The following COL25A1 variants were observed in gnomAD, a reference collection of about 807,000 sequenced individuals.
The protein encoded by COL25A1 is collagen type XXV alpha 1 chain.
A neutral mutation model predicts 128.4 loss-of-function variants in COL25A1; 103 were observed. The ratio of observed to expected loss-of-function variants is 0.80; its 90% CI spans 0.68 to 0.94. The LOEUF (loss-of-function observed/expected upper bound fraction) is 0.94, where lower values mean the gene tolerates loss of function less well. Ranked by LOEUF, COL25A1 falls within the 40% of genes least tolerant of loss-of-function variation. The pLI is 0.00. For synonymous variants in COL25A1, 279 were observed against 277.2 expected (o/e 1.01, Z -0.06); for missense variants, 745 against 840.0 (o/e 0.89, Z 1.40).
At chr4:109,056,828 T>C (rs1222004545) in intron 3 of COL25A1, among the ~76,000 whole-genome samples, 2 of 152,200 alleles carry the variant, frequency 1.3e-5, no homozygotes, top group African/African-American at 2.4e-5. Flanking sequence ...ATACTTCTCA[T>C]TAGGATAGTT....
rs11098031 is a variant in COL25A1, at chr4:109,197,503, T to A, written c.367+103080A>T. Among the ~76,000 whole-genome samples the A allele has an allele frequency of 9.4e-5, 12 of 127,350 alleles. No homozygotes were observed. The South Asian group carries it at 1.2e-3, about 13-fold the overall frequency. The allele number at this position is 127,350 out of a possible 152,430, so 83.5% of individuals were successfully genotyped here. ...ATTATATATTATATATAAATATATA[T>A]TATATAATATTTATATATAATATTA... On this transcript the variant is annotated intron_variant, in intron 3 of 37. Coordinates refer to ENST00000399132, the MANE Select transcript of COL25A1 (RefSeq NM_198721.4).
rs578223512 is a variant in COL25A1, at chr4:109,215,568, AT to A, written c.367+85014del. Among the ~76,000 whole-genome samples, 470 of 152,298 alleles carry A rather than the reference AT, an allele frequency of 3.1e-3. 1 individual carries two copies. Among genetic ancestry groups the A allele is most frequent in the African/African-American group, 0.011 (448 of 41,580 alleles). ...TGTCTTTAAAACAACTAATTAGACT[AT>A]ATTCTGTTATTTTGCCTTGAGATCA... On this transcript the variant is annotated intron_variant, in intron 3 of 37. Transcript: ENST00000399132.
In COL25A1 at chr4:109,197,453, TATATAA is replaced by T. The variant is rs1422056097; in HGVS notation, c.367+103124_367+103129del. Reference sequence around the variant, plus strand: ...TAAATATTATATATTATATATATTATATATAAATATTATATATAATATATATTATAT... The same window carrying T: ...TAAATATTATATATTATATATATTATATATTATATATAATATATATTATAT... On this transcript the variant is annotated intron_variant, in intron 3 of 37. Coordinates refer to ENST00000399132, the MANE Select transcript of COL25A1 (RefSeq NM_198721.4). Among the ~76,000 whole-genome samples, 821 of 119,414 alleles carry T rather than the reference TATATAA, an allele frequency of 6.9e-3. 14 individuals carry two copies. The highest frequency in any genetic ancestry group is 0.024 in the African/African-American group (763 of 32,344). 78.3% of individuals were successfully genotyped at this position (119,414 alleles called of 152,430 possible).
chr4:109,018,068 G>A (rs1488833288), intron 5 of COL25A1, among the ~76,000 whole-genome samples: 2 of 151,040 alleles, frequency 1.3e-5, no homozygotes, highest in Non-Finnish European at 1.5e-5. Context: ...GAAAAGAAAA[G>A]CACCTATAAA....
At position 108,809,288 on chromosome 4, in the gene COL25A1, TA is replaced by T. The variant is rs925299328; in HGVS notation, c.*4638del. 1.8e-4 allele frequency: 27 copies of T among 152,162 alleles called. No homozygotes were observed. Among genetic ancestry groups the T allele is most frequent in the African/African-American group, 4.1e-4 (17 of 41,568 alleles). The allele number at this position is 152,162 out of a possible 1,614,324, so 9.4% of individuals were successfully genotyped here. A position where few individuals can be genotyped will look rare whatever the true frequency, so the allele number is the denominator to read the frequency against. On this transcript the variant is annotated 3_prime_UTR_variant, in exon 38 of 38. Transcript: ENST00000399132. ...AACTTTAAAATGTAAAAAATACAAA[TA>T]AAAATATAATATTTTCTAAAGAAAA...
chr4:109,259,820 C>T (rs1424971595), intron 3 of COL25A1, among the ~76,000 whole-genome samples: 2 of 152,074 alleles, frequency 1.3e-5, no homozygotes, highest in Admixed American at 6.5e-5. Context: ...GCATCTATAC[C>T]TTCCTCCGGC....
intron 5 of COL25A1, among the ~76,000 whole-genome samples, chr4:109,027,611 G>A (rs1758428101): frequency 1.3e-5 from 2 of 152,102 alleles, no homozygotes; most frequent in Non-Finnish European, 2.9e-5. Context: ...TACAGATGGA[G>A]AGATGTTAGG....
intron 20 of COL25A1, among the ~76,000 whole-genome samples, chr4:108,868,547 A>AAAAGAAAG (rs1413072649): frequency 1.0e-5 from 1 of 98,350 alleles, no homozygotes; most frequent in Non-Finnish European, 2.1e-5. Flanking sequence ...AAGAAAAGAA[A>AAAAGAAAG]AAAGAAAGAA....
chr4:108,888,427 T>C (rs559261013), intron 18 of COL25A1, among the ~76,000 whole-genome samples: 24 of 152,210 alleles, frequency 1.6e-4, no homozygotes, highest in Non-Finnish European at 3.2e-4. Flanking sequence ...TTTAACCTAA[T>C]ATAGAATCCA....
At chr4:108,817,335 G>C (rs932900051) in intron 37 of COL25A1, 62 bp downstream of exon 37, 1 of 1,454,222 alleles carries the variant, frequency 6.9e-7, no homozygotes, top group Non-Finnish European at 9.6e-7. Flanking sequence ...AATGGAAAAG[G>C]CTAGTCCAGG....
intron 18 of COL25A1, among the ~76,000 whole-genome samples, chr4:108,885,678 A>G (rs1334124006): frequency 6.6e-6 from 1 of 152,172 alleles, no homozygotes; most frequent in African/African-American, 2.4e-5. Flanking sequence ...TTTTGCTGAA[A>G]ATTCTCTTTT....
intron 32 of COL25A1, 98 bp downstream of exon 32, chr4:108,832,282 C>T: frequency 1.2e-6 from 1 of 823,232 alleles, no homozygotes; most frequent in Non-Finnish European, 1.9e-6. Flanking sequence ...TTAGATAGCC[C>T]TTTATTTCTT....
chr4:108,964,459 T>C (rs961137765), intron 8 of COL25A1, among the ~76,000 whole-genome samples: 1 of 152,110 alleles, frequency 6.6e-6, no homozygotes, highest in Non-Finnish European at 1.5e-5. Flanking sequence ...TTACTATATT[T>C]ATTCAGTAGG....
chr4:109,036,955 T>C (rs1358421255), intron 5 of COL25A1, among the ~76,000 whole-genome samples: 1 of 152,182 alleles, frequency 6.6e-6, no homozygotes. Flanking sequence ...AGACAAAGTA[T>C]GTGTGTCTAC....
intron 3 of COL25A1, among the ~76,000 whole-genome samples, chr4:109,082,099 C>T (rs753833023): frequency 8.5e-5 from 13 of 152,140 alleles, no homozygotes; most frequent in South Asian, 2.1e-4. Flanking sequence ...ACTAGCATAA[C>T]GTTTCAAGAT....
At chr4:109,056,739 C>T (rs1233630241) in intron 3 of COL25A1, among the ~76,000 whole-genome samples, 2 of 151,986 alleles carry the variant, frequency 1.3e-5, no homozygotes, top group African/African-American at 4.8e-5. Context: ...TATGTGTGTA[C>T]TGGTTTAAAT....
At chr4:108,945,474 A>AT (rs540572263) in intron 8 of COL25A1, among the ~76,000 whole-genome samples, 168 of 152,226 alleles carry the variant, frequency 1.1e-3, no homozygotes, top group African/African-American at 3.7e-3. Context: ...TAACCATACC[A>AT]TTTTTTCCCA....
rs70949064 is a variant in COL25A1, at chr4:109,020,506, T to TG, written c.421-10132dup. 1.4e-3 allele frequency among the ~76,000 whole-genome samples: 177 copies of TG among 123,918 alleles called. 1 individual carries two copies. Among genetic ancestry groups the TG allele is most frequent in the African/African-American group, 4.6e-3 (155 of 33,784 alleles). 81.3% of individuals were successfully genotyped at this position (123,918 alleles called of 152,430 possible). A position where few individuals can be genotyped will look rare whatever the true frequency, so the allele number is the denominator to read the frequency against. The stretch of plus-strand genomic sequence containing the variant: ...GCAAGAATGAGCATGGAGATTATTA[T>TG]GGGGGGGGGGGGGTTCAACATAAAA... On this transcript the variant is annotated intron_variant, in intron 5 of 37. Coordinates refer to ENST00000399132, the MANE Select transcript of COL25A1 (RefSeq NM_198721.4).
intron 19 of COL25A1, among the ~76,000 whole-genome samples, chr4:108,883,001 G>C (rs1344155525): frequency 6.6e-6 from 1 of 151,856 alleles, no homozygotes; most frequent in Non-Finnish European, 1.5e-5. Context: ...TCATAAAACA[G>C]TATACACAAC....
Sources: gnomAD v4.1 joint callset for allele counts (sites outside exome capture counted in the v4.1 genomes callset) on GRCh38, gnomAD v4.1.1 for gene constraint, MANE v1.5 for transcripts, NCBI Gene and HGNC (gene_info 2026-07-23, HGNC 2026-07-21) for gene names.